Variants in ADGRL2 observed in about 807,000 individuals in gnomAD.
ADGRL2 encodes the protein calcium-independent alpha-latrotoxin receptor 2.
A neutral mutation model predicts 157.4 loss-of-function variants in ADGRL2; 44 were observed. The observed-to-expected ratio is 0.28, with a 90% confidence interval of 0.22 to 0.36. ADGRL2 has a LOEUF of 0.36. Ranked by LOEUF, ADGRL2 falls within the 10% of genes least tolerant of loss-of-function variation. The pLI, the probability that ADGRL2 is intolerant of heterozygous loss-of-function variation, is 1.00. For missense variants in ADGRL2, 1,510 were observed against 1,768.9 expected (o/e 0.85, Z 2.63); for synonymous variants, 585 against 624.7 (o/e 0.94, Z 0.95).
chr1:81,359,285 A>G (rs1026230179), intron 1 of ADGRL2, among the ~76,000 whole-genome samples: 5 of 152,208 alleles, frequency 3.3e-5, no homozygotes, highest in African/African-American at 1.2e-4. Flanking sequence ...AACATCTGCC[A>G]TTGTGAAGCA....
intron 2 of ADGRL2, among the ~76,000 whole-genome samples, chr1:81,541,984 T>C (rs2079897196): frequency 6.6e-6 from 1 of 152,096 alleles, no homozygotes; most frequent in African/African-American, 2.4e-5. Context: ...AGAAATCTCT[T>C]TTCCAAACAA....
chr1:81,479,254 C>T (rs573498969), intron 2 of ADGRL2, among the ~76,000 whole-genome samples: 2 of 151,644 alleles, frequency 1.3e-5, no homozygotes, highest in African/African-American at 4.8e-5. Context: ...GGGTGGATCA[C>T]CTCAGGTCAG....
chr1:81,939,080 A>C (rs555513115), intron 4 of ADGRL2, among the ~76,000 whole-genome samples: 1 of 151,750 alleles, frequency 6.6e-6, no homozygotes, highest in African/African-American at 2.4e-5. Flanking sequence ...CCAGGATCTT[A>C]TATATTCCAA....
chr1:81,758,578 G>C (rs780826025), intron 1 of ADGRL2, among the ~76,000 whole-genome samples: 5 of 152,060 alleles, frequency 3.3e-5, no homozygotes, highest in Non-Finnish European at 7.4e-5. Context: ...ATAAAGCATT[G>C]GTATTTGAAA....
chr1:81,404,091 C>G (rs111226590), intron 1 of ADGRL2, among the ~76,000 whole-genome samples: 1 of 152,040 alleles, frequency 6.6e-6, no homozygotes, highest in African/African-American at 2.4e-5. Context: ...CCACCTCACC[C>G]GGGCGTCTTT....
At chr1:81,361,744 C>T (rs1467205518) in intron 1 of ADGRL2, among the ~76,000 whole-genome samples, 4 of 151,802 alleles carry the variant, frequency 2.6e-5, no homozygotes, top group African/African-American at 9.7e-5. Context: ...CTTTCTTTTC[C>T]CTGAATATTT....
At chr1:81,382,593 G>T (rs1454695767) in intron 1 of ADGRL2, among the ~76,000 whole-genome samples, 1 of 152,154 alleles carries the variant, frequency 6.6e-6, no homozygotes, top group Admixed American at 6.5e-5. Context: ...ATGGAGGGGT[G>T]GGGGAAGCAG....
intron 3 of ADGRL2, among the ~76,000 whole-genome samples, chr1:81,910,836 A>G (rs1225155941): frequency 6.6e-6 from 1 of 151,790 alleles, no homozygotes; most frequent in African/African-American, 2.4e-5. Flanking sequence ...GTGATGGGAG[A>G]CATGTTTATT....
chr1:81,810,995 CT>C (rs2089801782), intron 1 of ADGRL2, among the ~76,000 whole-genome samples: 1 of 151,776 alleles, frequency 6.6e-6, no homozygotes, highest in South Asian at 2.1e-4. Context: ...TAGGAATGTT[CT>C]CCCACTTTGC....
At chr1:81,917,270 G>A (rs547351133) in intron 3 of ADGRL2, among the ~76,000 whole-genome samples, 1 of 152,238 alleles carries the variant, frequency 6.6e-6, no homozygotes, top group Non-Finnish European at 1.5e-5. Flanking sequence ...AAAAACACCA[G>A]TACCTACTTT....
chr1:81,879,779 A>G (rs2093939120), intron 2 of ADGRL2, among the ~76,000 whole-genome samples: 1 of 152,128 alleles, frequency 6.6e-6, no homozygotes, highest in South Asian at 2.1e-4. Context: ...TGGGAGGCCG[A>G]GGCGGGCTGA....
rs541638447 is a variant in ADGRL2, at chr1:81,415,124, C to G, written c.-301-29912C>G. Among the ~76,000 whole-genome samples, 3 of 152,332 alleles carry G rather than the reference C, an allele frequency of 2.0e-5. No homozygotes were observed. In the East Asian group the frequency reaches 5.8e-4, roughly 29 times the overall value. On this transcript the variant is annotated intron_variant, in intron 1 of 24. Transcript: ENST00000370721. ...TAGCTTTTATTCCTTATTTCAACTG[C>G]ACCAGAAGTGGAAATTATAACTCTT... is the stretch of plus-strand genomic sequence containing the variant.
chr1:81,802,066 G>T (rs2088264455), intron 1 of ADGRL2, among the ~76,000 whole-genome samples: 1 of 150,296 alleles, frequency 6.7e-6, no homozygotes, highest in Non-Finnish European at 1.5e-5. Flanking sequence ...GCCGTGTCCG[G>T]CCGGGGAGCT....
At chr1:81,309,940 T>G (rs1377876807) in intron 1 of ADGRL2, among the ~76,000 whole-genome samples, 2 of 152,192 alleles carry the variant, frequency 1.3e-5, no homozygotes, top group East Asian at 3.8e-4. Context: ...ATTGAAGTTC[T>G]GATAACAATT....
chr1:81,892,477 C>T (rs530216825), intron 2 of ADGRL2, among the ~76,000 whole-genome samples: 131 of 152,180 alleles, frequency 8.6e-4, no homozygotes, highest in African/African-American at 3.1e-3. Context: ...GTTCTTATTT[C>T]ATTAGCACTG....
At chr1:81,645,596 A>T (rs1451962330) in intron 3 of ADGRL2, among the ~76,000 whole-genome samples, 2 of 152,048 alleles carry the variant, frequency 1.3e-5, no homozygotes, top group Admixed American at 1.3e-4. Context: ...ATAAGTATAT[A>T]TATATCCTAG....
At chr1:81,322,174 G>GTATATACATATACATATACATA (rs1266066337) in intron 1 of ADGRL2, among the ~76,000 whole-genome samples, 1 of 131,508 alleles carries the variant, frequency 7.6e-6, no homozygotes, top group Non-Finnish European at 1.6e-5. Context: ...ATATGTACAT[G>GTATATACATATACATATACATA]TATATACATA....
chr1:81,504,041 T>G (rs2148033968), intron 2 of ADGRL2, among the ~76,000 whole-genome samples: 1 of 152,184 alleles, frequency 6.6e-6, no homozygotes, highest in Non-Finnish European at 1.5e-5. Context: ...CTTGAATCAG[T>G]CCTCAGGGCC....
chr1:81,636,467 A>G (rs1425505581), intron 3 of ADGRL2, among the ~76,000 whole-genome samples: 1 of 152,160 alleles, frequency 6.6e-6, no homozygotes, highest in Non-Finnish European at 1.5e-5. Context: ...TTGATGGGAA[A>G]GTCTAAAAGC....
Sources: gnomAD v4.1 joint callset for allele counts (sites outside exome capture counted in the v4.1 genomes callset) on GRCh38, gnomAD v4.1.1 for gene constraint, MANE v1.5 for transcripts, NCBI Gene and HGNC (gene_info 2026-07-23, HGNC 2026-07-21) for gene names.